Variants in SUPT3H observed in about 807,000 individuals in gnomAD.
SUPT3H encodes SPT3 homolog, SAGA and STAGA complex component, also known as transcription initiation protein SPT3 homolog.
A neutral mutation model predicts 44.3 loss-of-function variants in SUPT3H; 44 were observed. That is an observed-to-expected ratio of 0.99 (90% CI 0.78 to 1.28). SUPT3H has a LOEUF of 1.28. Among genes scored for constraint, SUPT3H ranks in the 50% most tolerant of loss-of-function variants. The pLI, the probability that SUPT3H is intolerant of heterozygous loss-of-function variation, is 0.00. For synonymous variants in SUPT3H, 124 were observed against 125.6 expected (o/e 0.99, Z 0.09); for missense variants, 380 against 387.1 (o/e 0.98, Z 0.15).
At chr6:45,233,525 T>C (rs935906247) in intron 2 of SUPT3H, among the ~76,000 whole-genome samples, 2 of 152,176 alleles carry the variant, frequency 1.3e-5, no homozygotes, top group Admixed American at 6.5e-5. Context: ...CACAGTACTG[T>C]GCAGTGGCAA....
In SUPT3H at chr6:45,251,313, A is replaced by G. The variant is rs544917782; in HGVS notation, c.101+113888T>C. Among the ~76,000 whole-genome samples, 3 of 152,206 alleles carry G rather than the reference A, an allele frequency of 2.0e-5. No homozygotes were observed. The East Asian group carries it at 5.8e-4, about 29-fold the overall frequency. On this transcript the variant is annotated intron_variant, in intron 2 of 10. Transcript: ENST00000371459. ...TTATGTTATGTATATTCTTTCAACA[A>G]TAGTTAACATCTAAATTATGTTTCT...
intron 10 of SUPT3H, among the ~76,000 whole-genome samples, chr6:44,910,533 G>C (rs978099652): frequency 4.6e-5 from 7 of 152,088 alleles, no homozygotes; most frequent in African/African-American, 1.7e-4. Context: ...TGATAAGACA[G>C]TCACTGAAAT....
chr6:44,891,134 A>G (rs1324887282), intron 10 of SUPT3H, among the ~76,000 whole-genome samples: 1 of 152,182 alleles, frequency 6.6e-6, no homozygotes, highest in African/African-American at 2.4e-5. Flanking sequence ...ATAATAATAA[A>G]AAGAAGAAGA....
At chr6:45,136,620 G>C (rs968344538) in intron 2 of SUPT3H, among the ~76,000 whole-genome samples, 6 of 150,828 alleles carry the variant, frequency 4.0e-5, no homozygotes, top group African/African-American at 1.5e-4. Context: ...AAAAAAAACA[G>C]AAATTCTGGA....
intron 10 of SUPT3H, among the ~76,000 whole-genome samples, chr6:44,856,281 G>A (rs1773706526): frequency 6.6e-6 from 1 of 152,164 alleles, no homozygotes; most frequent in Non-Finnish European, 1.5e-5. Flanking sequence ...TGTGGCCACT[G>A]CATCTTTAAG....
intron 2 of SUPT3H, among the ~76,000 whole-genome samples, chr6:45,152,016 T>TC (rs1209045075): frequency 1.3e-5 from 2 of 152,158 alleles, no homozygotes; most frequent in African/African-American, 4.8e-5. Flanking sequence ...ACATATACTT[T>TC]CTAGGTGACC....
intron 6 of SUPT3H, among the ~76,000 whole-genome samples, chr6:44,979,187 T>C (rs1190187929): frequency 6.6e-6 from 1 of 152,154 alleles, no homozygotes; most frequent in Non-Finnish European, 1.5e-5. Context: ...GCCCAGATGG[T>C]ACTTATTTTT....
At chr6:44,926,883 G>A (rs1409175948) in intron 10 of SUPT3H, among the ~76,000 whole-genome samples, 1 of 152,032 alleles carries the variant, frequency 6.6e-6, no homozygotes, top group Admixed American at 6.5e-5. Context: ...ACGCTGATTT[G>A]AGTTTATACT....
chr6:45,279,423 T>G (rs763102330), intron 2 of SUPT3H, among the ~76,000 whole-genome samples: 3 of 152,168 alleles, frequency 2.0e-5, no homozygotes, highest in Non-Finnish European at 2.9e-5. Context: ...AGGTGGGGCC[T>G]GGCAGGAAAT....
At chr6:45,375,852 T>C (rs911656393) in intron 1 of SUPT3H, among the ~76,000 whole-genome samples, 11 of 152,114 alleles carry the variant, frequency 7.2e-5, no homozygotes, top group Admixed American at 3.3e-4. Context: ...ATGCACATAT[T>C]TCAAGTAAAG....
chr6:45,285,642 T>C (rs1356204694), intron 2 of SUPT3H, among the ~76,000 whole-genome samples: 4 of 152,032 alleles, frequency 2.6e-5, no homozygotes, highest in African/African-American at 4.8e-5. Context: ...TAGGAAGAAT[T>C]AATATCGTGA....
intron 2 of SUPT3H, among the ~76,000 whole-genome samples, chr6:45,135,682 C>T (rs907230944): frequency 6.6e-6 from 1 of 152,198 alleles, no homozygotes; most frequent in Non-Finnish European, 1.5e-5. Flanking sequence ...CCCATTCCAC[C>T]ATGTGAGGTT....
At chr6:45,027,892 C>T (rs1386178453) in intron 3 of SUPT3H, among the ~76,000 whole-genome samples, 1 of 152,140 alleles carries the variant, frequency 6.6e-6, no homozygotes, top group Non-Finnish European at 1.5e-5. Context: ...TTGCTGTTGA[C>T]AAGTCGATTA....
intron 3 of SUPT3H, among the ~76,000 whole-genome samples, chr6:45,034,244 GA>G (rs1391172938): frequency 6.6e-6 from 1 of 151,956 alleles, no homozygotes; most frequent in Non-Finnish European, 1.5e-5. Context: ...GGAGGCTAGA[GA>G]AGCCCACCTG....
At chr6:45,025,375 A>T (rs969939491) in intron 3 of SUPT3H, among the ~76,000 whole-genome samples, 3 of 152,220 alleles carry the variant, frequency 2.0e-5, no homozygotes, top group Admixed American at 2.0e-4. Context: ...TTTGAATTAT[A>T]CACGTAGGTC....
chr6:45,375,052 C>A (rs1343242577), intron 1 of SUPT3H, among the ~76,000 whole-genome samples: 2 of 152,086 alleles, frequency 1.3e-5, no homozygotes, highest in African/African-American at 4.8e-5. Context: ...ACAAAAAATA[C>A]AAAAATTAGC....
At chr6:44,943,495 TA>T (rs1404313097) in intron 9 of SUPT3H, among the ~76,000 whole-genome samples, 1 of 152,152 alleles carries the variant, frequency 6.6e-6, no homozygotes, top group Non-Finnish European at 1.5e-5. Flanking sequence ...CTAATTTGGT[TA>T]AAGACATACA....
At chr6:44,898,598 G>A (rs1332385188) in intron 10 of SUPT3H, 1 of 152,210 alleles carries the variant, frequency 6.6e-6, no homozygotes, top group Non-Finnish European at 1.5e-5. Flanking sequence ...GTAACAGTAA[G>A]TTCTAAGGTT....
chr6:44,944,063 ATTAT>A (rs1343393559), intron 9 of SUPT3H, among the ~76,000 whole-genome samples: 3 of 152,202 alleles, frequency 2.0e-5, no homozygotes, highest in South Asian at 4.1e-4. Flanking sequence ...AACGCACTAG[ATTAT>A]TTAAGACAAA....
Sources: allele counts gnomAD v4.1 joint callset (sites outside exome capture counted in the v4.1 genomes callset), GRCh38; gene constraint gnomAD v4.1.1; transcripts MANE v1.5; gene names NCBI Gene and HGNC (gene_info 2026-07-23, HGNC 2026-07-21).